N4BP2: variants seen among roughly 807,000 people sequenced by gnomAD.
N4BP2 encodes NEDD4-binding protein 2.
A neutral mutation model predicts 152.8 loss-of-function variants in N4BP2; 91 were observed. The observed-to-expected ratio is 0.60, with a 90% CI of 0.50 to 0.71. The LOEUF (loss-of-function observed/expected upper bound fraction) is 0.71. N4BP2 is among the 30% of genes least tolerant of loss of function. The pLI, the probability that N4BP2 is intolerant of heterozygous loss-of-function variation, is 0.00. For missense variants in N4BP2, 1,923 were observed against 2,059.1 expected (o/e 0.93, Z 1.28); for synonymous variants, 646 against 705.3 (o/e 0.92, Z 1.33).
Position 40,156,558 on chromosome 4 carries a change from T to G in N4BP2, c.*2321T>G, listed in dbSNP as rs1721611709. 1 of 152,136 alleles carries G rather than the reference T, an allele frequency of 6.6e-6. No homozygotes were observed. Among genetic ancestry groups the G allele is most frequent in the African/African-American group, 2.4e-5 (1 of 41,440 alleles). The allele number at this position is 152,136 out of a possible 1,614,324, so 9.4% of individuals were successfully genotyped here. ...AACACATAATTTTGAAAGAAAAGTT[T>G]GTAATCCCTCCTTTCTTTTTTTTGC... On this transcript the variant is annotated 3_prime_UTR_variant, in exon 18 of 18. Transcript: ENST00000261435.
intron 6 of N4BP2, 42 bp from the exon 7 acceptor site, chr4:40,113,390 G>A: frequency 7.5e-7 from 1 of 1,330,862 alleles, no homozygotes; most frequent in Non-Finnish European, 1.1e-6. Context: ...TAATTTCTTG[G>A]AAATACCTAT....
intron 16 of N4BP2, among the ~76,000 whole-genome samples, chr4:40,147,857 C>T (rs1367175267): frequency 7.7e-4 from 115 of 150,002 alleles, no homozygotes; most frequent in African/African-American, 2.6e-3. Context: ...GACGGGGTCG[C>T]GGCCAGGCAG....
intron 7 of N4BP2, 125 bp downstream of exon 7, chr4:40,113,633 C>A: frequency 1.4e-6 from 1 of 711,082 alleles, no homozygotes; most frequent in Non-Finnish European, 2.5e-6. Context: ...CTATTGCTTA[C>A]GGCTTTTTGT....
At chr4:40,113,389 G>C in intron 6 of N4BP2, 43 bp from the exon 7 acceptor site, 1 of 1,325,114 alleles carries the variant, frequency 7.5e-7, no homozygotes. Context: ...TTAATTTCTT[G>C]GAAATACCTA....
At chr4:40,070,441 A>G (rs375431818) in intron 1 of N4BP2, among the ~76,000 whole-genome samples, 3 of 152,124 alleles carry the variant, frequency 2.0e-5, no homozygotes, top group African/African-American at 7.2e-5. Flanking sequence ...ATTCCCTAGT[A>G]TTATACTACT....
chr4:40,151,551 C>A (rs1164016461), intron 16 of N4BP2, among the ~76,000 whole-genome samples: 1 of 152,160 alleles, frequency 6.6e-6, no homozygotes. Context: ...AGATTACAGG[C>A]ATGAGCCACT....
chr4:40,127,785 T>C (rs1036678300), intron 12 of N4BP2, among the ~76,000 whole-genome samples: 8 of 152,114 alleles, frequency 5.3e-5, no homozygotes, highest in South Asian at 4.1e-4. Context: ...TTCAGCCTCC[T>C]GAGTATCTGG....
chr4:40,185,606 A>G, the N4BP2 span, among the ~76,000 whole-genome samples: 2 of 152,238 alleles, frequency 1.3e-5, no homozygotes, highest in Admixed American at 1.3e-4. Context: ...TAAACTTATT[A>G]TTTGGAAAAA....
intron 2 of N4BP2, among the ~76,000 whole-genome samples, chr4:40,083,908 T>TG (rs1713658793): frequency 6.6e-6 from 1 of 152,228 alleles, no homozygotes; most frequent in South Asian, 2.1e-4. Context: ...ACGCTACCTT[T>TG]GATACAGATG....
intron 14 of N4BP2, among the ~76,000 whole-genome samples, chr4:40,138,306 G>A (rs751670149): frequency 5.3e-5 from 8 of 152,130 alleles, no homozygotes; most frequent in Non-Finnish European, 8.8e-5. Flanking sequence ...TGAGTTGTAA[G>A]TGTTCTTTAT....
chr4:40,104,903 C>T (rs1458632042), intron 4 of N4BP2, among the ~76,000 whole-genome samples: 1 of 151,128 alleles, frequency 6.6e-6, no homozygotes, highest in Non-Finnish European at 1.5e-5. Flanking sequence ...CTCCCAGGTT[C>T]ACGCCATTCT....
chr4:40,169,646 C>G, the N4BP2 span, among the ~76,000 whole-genome samples: 1 of 150,634 alleles, frequency 6.6e-6, no homozygotes, highest in East Asian at 1.9e-4. Context: ...ATTGGAAATT[C>G]AGTGCTCATC....
At chr4:40,127,506 T>G (rs946207926) in intron 12 of N4BP2, among the ~76,000 whole-genome samples, 2 of 152,116 alleles carry the variant, frequency 1.3e-5, no homozygotes, top group African/African-American at 4.8e-5. Context: ...TGAACCACCA[T>G]GCCCAGCCAG....
chr4:40,074,923 C>T (rs1309760192), intron 2 of N4BP2, among the ~76,000 whole-genome samples: 1 of 151,986 alleles, frequency 6.6e-6, no homozygotes, highest in Non-Finnish European at 1.5e-5. Flanking sequence ...ATGAGAATTG[C>T]TTGAGCCTGG....
At chr4:40,171,192 G>A in the N4BP2 span, among the ~76,000 whole-genome samples, 2 of 152,148 alleles carry the variant, frequency 1.3e-5, no homozygotes, top group Admixed American at 6.5e-5. Flanking sequence ...TCTGCCCTTC[G>A]CAAGTTCTTC....
rs749818029 is a variant in N4BP2 at position 40,117,871 on chromosome 4, G to A, written c.1667G>A (p.Arg556His). The A allele has an allele frequency of 2.1e-5, 33 of 1,596,028 alleles. No individual in the cohort carries two copies. Among genetic ancestry groups the A allele is most frequent in the Non-Finnish European group, 2.5e-5 (29 of 1,172,280 alleles). ...CTTTTTTCCCCTGGAATTTTCAGGC[G>A]TAACATTCATGGGGTAAGCAAAGAA... ...WKFKPKELAR[R>H]NIHGVSKEKI... The change falls in exon 8 of 18, where the codon CGT becomes CAT. Residue 556 changes from arginine to histidine, a missense_variant and splice_region_variant. Physicochemically the swap from Arg to His is conservative, Grantham distance 29 (BLOSUM62 0). Transcript: ENST00000261435.
Position 40,121,496 on chromosome 4 carries a change from G to A in N4BP2, c.3385G>A (p.Glu1129Lys), listed in dbSNP as rs763343288. The A allele has an allele frequency of 6.2e-7, 1 of 1,614,086 alleles. No homozygotes were observed. The highest frequency in any genetic ancestry group is 1.7e-5 in the Admixed American group (1 of 60,012). The change falls in exon 9 of 18, where the codon GAA becomes AAA. Residue 1129 changes from glutamate (E) to lysine (K), a missense_variant. Physicochemically the swap from Glu to Lys is moderately conservative, Grantham distance 56. Coordinates refer to ENST00000261435, the MANE Select transcript of N4BP2 (RefSeq NM_018177.6). Reference protein sequence around the residue: ...IWATSLLLDSETKLCEDTEFE... With the variant: ...IWATSLLLDSKTKLCEDTEFE... ...GGCCACAAGCCTTTTGTTGGATTCT[G>A]AAACTAAGTTATGTGAGGATACAGA...
chr4:40,099,262 G>A (rs1054088616), intron 3 of N4BP2, among the ~76,000 whole-genome samples: 5 of 152,210 alleles, frequency 3.3e-5, no homozygotes, highest in African/African-American at 1.2e-4. Flanking sequence ...TGTTTTTTGA[G>A]ACGGAGTTTC....
chr4:40,062,773 C>T (rs1733766161), intron 1 of N4BP2, among the ~76,000 whole-genome samples: 2 of 152,134 alleles, frequency 1.3e-5, no homozygotes, highest in South Asian at 2.1e-4. Context: ...TCCTTACCCT[C>T]ACTTTTGTTT....
Sources: allele counts gnomAD v4.1 joint callset (sites outside exome capture counted in the v4.1 genomes callset), GRCh38; gene constraint gnomAD v4.1.1; transcripts MANE v1.5; gene names NCBI Gene and HGNC (gene_info 2026-07-23, HGNC 2026-07-21).